The following OPCML variants were observed in gnomAD, a reference collection of about 807,000 sequenced individuals.
OPCML encodes opioid-binding protein/cell adhesion molecule.
In OPCML, 13 loss-of-function variants were observed where a neutral mutation model predicts 37.8. The ratio of observed to expected loss-of-function variants is 0.34; its 90% confidence interval spans 0.22 to 0.55. OPCML has a LOEUF of 0.55. Among genes scored for constraint, OPCML ranks in the 20% least tolerant of loss-of-function variants. The pLI, the probability that OPCML is intolerant of heterozygous loss-of-function variation, is 0.91. For synonymous variants in OPCML, 176 were observed against 168.8 expected (o/e 1.04, Z -0.33); for missense variants, 341 against 435.6 (o/e 0.78, Z 1.93).
chr11:133,189,137 T>C (rs958915355), intron 1 of OPCML, among the ~76,000 whole-genome samples: 1 of 152,206 alleles, frequency 6.6e-6, no homozygotes, highest in Non-Finnish European at 1.5e-5. Flanking sequence ...TACTGCCTTC[T>C]TTCCCCTCAC....
rs918038437 is a variant in OPCML at position 133,490,906 on chromosome 11, T to C, written c.61+41358A>G. On this transcript the variant is annotated intron_variant, in intron 1 of 7. Coordinates refer to ENST00000524381, the MANE Select transcript of OPCML (RefSeq NM_001012393.5). The stretch of plus-strand genomic sequence containing the variant: ...CCATAACTCTTATCCCCTTATACCA[T>C]AGAGTTTATTCTTTAACTGCCAATC... 5.3e-5 allele frequency among the ~76,000 whole-genome samples: 8 copies of C among 152,296 alleles called. No individual in the cohort carries two copies. In the East Asian group the frequency reaches 1.5e-3, roughly 29 times the overall value.
chr11:133,245,006 G>C (rs1159444522), intron 1 of OPCML, among the ~76,000 whole-genome samples: 1 of 152,222 alleles, frequency 6.6e-6, no homozygotes, highest in African/African-American at 2.4e-5. Flanking sequence ...TGCTGTGGAG[G>C]CAGTCCATGA....
At chr11:133,209,367 A>G (rs1007352637) in intron 1 of OPCML, among the ~76,000 whole-genome samples, 1 of 152,168 alleles carries the variant, frequency 6.6e-6, no homozygotes, top group African/African-American at 2.4e-5. Flanking sequence ...GTTTCACATC[A>G]CACATAAGAA....
intron 1 of OPCML, among the ~76,000 whole-genome samples, chr11:133,204,380 A>C (rs1447815103): frequency 6.6e-6 from 1 of 152,062 alleles, no homozygotes; most frequent in Non-Finnish European, 1.5e-5. Flanking sequence ...CTGATAGAGA[A>C]GAAGAAGTTA....
At chr11:132,501,600 G>A (rs1372948136) in intron 4 of OPCML, among the ~76,000 whole-genome samples, 1 of 152,176 alleles carries the variant, frequency 6.6e-6, no homozygotes, top group Non-Finnish European at 1.5e-5. Flanking sequence ...AGGCATGGTT[G>A]TCATGATAAC....
chr11:133,473,725 G>A (rs1378754281), intron 1 of OPCML, among the ~76,000 whole-genome samples: 1 of 152,162 alleles, frequency 6.6e-6, no homozygotes, highest in African/African-American at 2.4e-5. Flanking sequence ...CATTGGCTAG[G>A]CCTGGATCAC....
intron 1 of OPCML, among the ~76,000 whole-genome samples, chr11:133,250,682 AC>A (rs1941102618): frequency 6.6e-6 from 1 of 152,246 alleles, no homozygotes; most frequent in Non-Finnish European, 1.5e-5. Context: ...GCTGTATTAG[AC>A]TGAAAGAATA....
intron 2 of OPCML, among the ~76,000 whole-genome samples, chr11:132,688,203 C>T (rs1943246767): frequency 6.6e-6 from 1 of 151,408 alleles, no homozygotes; most frequent in African/African-American, 2.4e-5. Context: ...GAAAATTAAA[C>T]TTAAAAACAA....
rs58674976 is a variant in OPCML, at chr11:132,937,595, G to GGTGT, written c.146+5327_146+5330dup. The stretch of plus-strand genomic sequence containing the variant: ...TGTGTGGTGTGTGTGGCGTGTGTGG[G>GGTGT]GTGTGTGTGTGTGTGTGTGTGTGTG... On this transcript the variant is annotated intron_variant, in intron 2 of 7. Transcript: ENST00000524381. Among the ~76,000 whole-genome samples the GGTGT allele has an allele frequency of 1.2e-3, 111 of 88,826 alleles. 1 individual carries two copies. The highest frequency in any genetic ancestry group is 6.0e-3 in the Middle Eastern group (1 of 166). The allele number at this position is 88,826 out of a possible 152,430, so 58.3% of individuals were successfully genotyped here. A position where few individuals can be genotyped will look rare whatever the true frequency, so the allele number is the denominator to read the frequency against.
At chr11:132,877,104 G>A (rs768272572) in intron 2 of OPCML, among the ~76,000 whole-genome samples, 8 of 152,190 alleles carry the variant, frequency 5.3e-5, no homozygotes, top group Admixed American at 2.0e-4. Context: ...GGCCACAGTC[G>A]CCATTTAAAA....
chr11:132,651,114 G>C (rs1443100295), intron 3 of OPCML, among the ~76,000 whole-genome samples: 1 of 152,116 alleles, frequency 6.6e-6, no homozygotes, highest in Non-Finnish European at 1.5e-5. Context: ...TGTCACCTCA[G>C]GGCCCACCCT....
intron 2 of OPCML, among the ~76,000 whole-genome samples, chr11:132,763,432 G>C (rs888986964): frequency 1.3e-5 from 2 of 152,196 alleles, no homozygotes; most frequent in African/African-American, 4.8e-5. Context: ...CAGCTAGTAA[G>C]TGGGGGAGTT....
chr11:132,893,314 G>A (rs748967768), intron 2 of OPCML, among the ~76,000 whole-genome samples: 5 of 152,190 alleles, frequency 3.3e-5, no homozygotes, highest in Non-Finnish European at 7.3e-5. Context: ...GCATGGCTAA[G>A]CCATCATCCT....
chr11:132,699,238 A>AG (rs1479017160), intron 2 of OPCML, among the ~76,000 whole-genome samples: 1 of 152,092 alleles, frequency 6.6e-6, no homozygotes, highest in African/African-American at 2.4e-5. Context: ...TATTAGTTCT[A>AG]GCAGTTTGTT....
intron 2 of OPCML, among the ~76,000 whole-genome samples, chr11:132,786,769 T>C (rs117006686): frequency 0.018 from 2,775 of 152,330 alleles, 28 homozygotes; most frequent in Middle Eastern, 0.031. Context: ...GTGAATGCAC[T>C]TCAGTTCTTA....
chr11:132,462,145 A>G (rs1171095142), intron 4 of OPCML, among the ~76,000 whole-genome samples: 10 of 152,190 alleles, frequency 6.6e-5, no homozygotes, highest in Admixed American at 6.5e-4. Flanking sequence ...ATAGAATAGA[A>G]TAAGTAGCAG....
chr11:132,566,027 C>T (rs889823119), intron 3 of OPCML, among the ~76,000 whole-genome samples: 2 of 152,036 alleles, frequency 1.3e-5, no homozygotes, highest in Non-Finnish European at 2.9e-5. Context: ...AGCGAGACTC[C>T]GTCTCAAAAA....
At chr11:133,447,119 AT>A (rs982343708) in intron 1 of OPCML, among the ~76,000 whole-genome samples, 3 of 152,180 alleles carry the variant, frequency 2.0e-5, no homozygotes, top group African/African-American at 7.2e-5. Context: ...TGCCAAACTC[AT>A]TTTTAAAGTA....
In OPCML at chr11:133,257,757, T is replaced by A. The variant is rs1195898294; in HGVS notation, c.61+274507A>T. 2.0e-5 allele frequency among the ~76,000 whole-genome samples: 3 copies of A among 152,276 alleles called. No homozygotes were observed. The East Asian group carries it at 5.8e-4, about 29-fold the overall frequency. On this transcript the variant is annotated intron_variant, in intron 1 of 7. Transcript: ENST00000524381. ...ATCTTGTTATGACTTATGCCAACCA[T>A]TCATTCATCATCCAATAAACATTTA...
Sources: allele counts gnomAD v4.1 joint callset (sites outside exome capture counted in the v4.1 genomes callset), GRCh38; gene constraint gnomAD v4.1.1; transcripts MANE v1.5; gene names NCBI Gene and HGNC (gene_info 2026-07-23, HGNC 2026-07-21).